Variants in ROBO1 observed in about 807,000 individuals in gnomAD.
ROBO1 encodes roundabout guidance receptor 1, also known as roundabout homolog 1.
In ROBO1, 149 loss-of-function variants were observed where a neutral mutation model predicts 195.9. The observed-to-expected ratio is 0.76, with a 90% CI of 0.67 to 0.87. ROBO1 has a LOEUF of 0.87. ROBO1 is among the 40% of genes least tolerant of loss of function. ROBO1 has a pLI of 0.00. For missense variants in ROBO1, 1,933 were observed against 2,068.3 expected (o/e 0.93, Z 1.27); for synonymous variants, 816 against 733.2 (o/e 1.11, Z -1.82).
chr3:79,084,172 A>G (rs1197081705), intron 3 of ROBO1, among the ~76,000 whole-genome samples: 1 of 152,172 alleles, frequency 6.6e-6, no homozygotes, highest in Non-Finnish European at 1.5e-5. Flanking sequence ...GGCAATAGGC[A>G]AGTCATTTAA....
At chr3:79,319,586 T>C (rs2033888331) in intron 2 of ROBO1, among the ~76,000 whole-genome samples, 1 of 152,128 alleles carries the variant, frequency 6.6e-6, no homozygotes, top group South Asian at 2.1e-4. Context: ...TATCTTAATG[T>C]TTATTTCTCT....
intron 1 of ROBO1, among the ~76,000 whole-genome samples, chr3:79,741,143 C>T (rs1393370): frequency 0.23 from 34,364 of 152,036 alleles, 4,195 homozygotes; most frequent in East Asian, 0.32. Flanking sequence ...TTCTTTGGAA[C>T]CCCAAGGAGC....
chr3:79,399,908 C>T (rs573786531), intron 2 of ROBO1, among the ~76,000 whole-genome samples: 4 of 152,120 alleles, frequency 2.6e-5, no homozygotes, highest in South Asian at 2.1e-4. Context: ...CAAACATGAT[C>T]CAAAAATGAC....
intron 1 of ROBO1, among the ~76,000 whole-genome samples, chr3:79,680,735 T>A (rs772170228): frequency 1.3e-5 from 2 of 151,964 alleles, no homozygotes; most frequent in Admixed American, 6.6e-5. Flanking sequence ...GAATTGAGAG[T>A]GTTGTATTAT....
In ROBO1 at chr3:78,617,615, T is replaced by C. The variant is rs9839790; in HGVS notation, c.4282+20A>G. ...CATTGAGTTTTCTTTCCCAGCTTGG[T>C]GAAAAGTGTTAGGACTCACCAGCAG... On this transcript the variant is annotated intron_variant, in intron 27 of 30. Coordinates refer to ENST00000464233, the MANE Select transcript of ROBO1 (RefSeq NM_002941.4). The C allele has an allele frequency of 0.65, 1,018,516 of 1,569,684 alleles. 333,122 individuals are homozygous for C. The highest frequency in any genetic ancestry group is 0.7 in the Middle Eastern group (4,001 of 5,744).
intron 2 of ROBO1, among the ~76,000 whole-genome samples, chr3:79,584,411 T>A (rs1943756071): frequency 6.6e-6 from 1 of 151,212 alleles, no homozygotes; most frequent in Non-Finnish European, 1.5e-5. Context: ...AGTTTTATTT[T>A]CTTAAAACAA....
intron 2 of ROBO1, among the ~76,000 whole-genome samples, chr3:79,348,236 GA>G (rs2035204528): frequency 6.8e-6 from 1 of 146,662 alleles, no homozygotes; most frequent in African/African-American, 2.5e-5. Flanking sequence ...AAAAAGTGAA[GA>G]TGCTGTAAGT....
At chr3:79,010,066 T>C (rs1051546033) in intron 3 of ROBO1, among the ~76,000 whole-genome samples, 2 of 152,110 alleles carry the variant, frequency 1.3e-5, no homozygotes, top group African/African-American at 4.8e-5. Context: ...GGTTATCATG[T>C]GACAAAGAGA....
intron 2 of ROBO1, among the ~76,000 whole-genome samples, chr3:79,221,900 A>G (rs1249640211): frequency 6.6e-6 from 1 of 152,110 alleles, no homozygotes; most frequent in Non-Finnish European, 1.5e-5. Flanking sequence ...ATGTCCTTAT[A>G]TATGTATACA....
intron 2 of ROBO1, among the ~76,000 whole-genome samples, chr3:79,381,355 C>CAAAA (rs61680946): frequency 4.7e-3 from 282 of 60,524 alleles, no homozygotes; most frequent in Non-Finnish European, 6.4e-3. Flanking sequence ...AACTCCGTCT[C>CAAAA]AAAAAAAAAA....
chr3:78,868,750 G>A (rs1390579639), intron 4 of ROBO1, among the ~76,000 whole-genome samples: 1 of 152,044 alleles, frequency 6.6e-6, no homozygotes, highest in Admixed American at 6.6e-5. Context: ...AAACACACTT[G>A]GTACATCACA....
intron 2 of ROBO1, among the ~76,000 whole-genome samples, chr3:79,546,552 C>T (rs2107657424): frequency 6.6e-6 from 1 of 152,258 alleles, no homozygotes; most frequent in Non-Finnish European, 1.5e-5. Context: ...GAAAGCCCTG[C>T]TGCTGTATAG....
intron 4 of ROBO1, among the ~76,000 whole-genome samples, chr3:78,852,761 T>C (rs969039263): frequency 1.6e-4 from 25 of 152,264 alleles, no homozygotes; most frequent in African/African-American, 6.0e-4. Context: ...AAATGATAAC[T>C]TTGAATTCAC....
chr3:79,487,938 T>C (rs1939248925), intron 2 of ROBO1, among the ~76,000 whole-genome samples: 1 of 152,032 alleles, frequency 6.6e-6, no homozygotes. Flanking sequence ...CAATTTAAAA[T>C]TGAAGAAAAA....
intron 2 of ROBO1, among the ~76,000 whole-genome samples, chr3:79,211,403 C>T (rs1576820510): frequency 1.3e-5 from 2 of 152,150 alleles, no homozygotes; most frequent in East Asian, 3.9e-4. Flanking sequence ...AACTCATGTT[C>T]TCCATAGGTA....
chr3:79,213,708 C>A (rs1413597448), intron 2 of ROBO1, among the ~76,000 whole-genome samples: 3 of 151,844 alleles, frequency 2.0e-5, no homozygotes, highest in Non-Finnish European at 4.4e-5. Context: ...TAACAATTAG[C>A]ATCTTAACAT....
chr3:78,680,632 GATACC>G (rs1174122351), intron 10 of ROBO1, among the ~76,000 whole-genome samples: 1 of 150,458 alleles, frequency 6.6e-6, no homozygotes, highest in African/African-American at 2.5e-5. Context: ...ACCACAATGA[GATACC>G]ATCTCACACC....
intron 3 of ROBO1, among the ~76,000 whole-genome samples, chr3:79,101,596 T>C (rs891202984): frequency 6.6e-6 from 1 of 151,754 alleles, no homozygotes; most frequent in Admixed American, 6.6e-5. Context: ...ACCGTTTTCT[T>C]TGGGGTTTTA....
intron 10 of ROBO1, among the ~76,000 whole-genome samples, chr3:78,685,292 A>G (rs911230810): frequency 3.3e-5 from 5 of 152,084 alleles, no homozygotes; most frequent in Non-Finnish European, 7.4e-5. Context: ...CTAATTGAGC[A>G]TGTTTAGGGG....
Sources: allele counts gnomAD v4.1 joint callset (sites outside exome capture counted in the v4.1 genomes callset), GRCh38; gene constraint gnomAD v4.1.1; transcripts MANE v1.5; gene names NCBI Gene and HGNC (gene_info 2026-07-23, HGNC 2026-07-21).